The following SYTL4 variants were observed in gnomAD, a reference collection of about 807,000 sequenced individuals.
SYTL4 encodes the protein synaptotagmin like 4.
Under a neutral mutation model 52.7 loss-of-function variants are expected in SYTL4, and 16 were observed. The observed-to-expected ratio is 0.30, with a 90% CI of 0.21 to 0.46. The LOEUF is 0.46. Among genes scored for constraint, SYTL4 ranks in the 20% least tolerant of loss-of-function variants. The probability of loss-of-function intolerance (pLI) is 1.00; values close to 1 mark genes in which losing one functional copy is unlikely to be tolerated. For missense variants in SYTL4, 423 were observed against 519.9 expected, an observed-to-expected ratio of 0.81 and a Z score of 1.81; for synonymous variants, 160 against 186.6, an observed-to-expected ratio of 0.86 and a Z score of 1.16.
intron 2 of SYTL4, among the ~76,000 whole-genome samples, chrX:100,724,955 G>A (rs1330589545): frequency 3.7e-5 from 4 of 108,457 alleles, no homozygotes; most frequent in African/African-American, 1.3e-4. Flanking sequence ...TAAAAAAATT[G>A]CAAATCATAT....
rs769639083 is a variant in SYTL4, at chrX:100,687,241, G to T, written c.1010C>A (p.Thr337Lys). 3 of 1,208,915 alleles carry T rather than the reference G, an allele frequency of 2.5e-6. No individual in the cohort carries two copies. The highest frequency in any genetic ancestry group is 3.4e-6 in the Non-Finnish European group (3 of 893,824). Residue 337 changes from threonine to lysine, a missense_variant, in exon 14 of 20, where the codon ACG becomes AAG. Thr to Lys is a moderately conservative substitution (Grantham distance 78). Coordinates refer to ENST00000372989, the MANE Select transcript of SYTL4 (RefSeq NM_001370165.1). ...GTAGATGCTCATCATGCTGCCGATC[G>T]TACTCTGAAGATAAAGCACCCACGA... is the stretch of plus-strand genomic sequence containing the variant. Reference protein sequence around the residue: ...SSMQSGSSMSTIGSMMSIYSE... With the variant: ...SSMQSGSSMSKIGSMMSIYSE...
intron 7 of SYTL4, 74 bp downstream of exon 7, chrX:100,701,146 A>G (rs1370293271): frequency 1.1e-6 from 1 of 934,349 alleles, no homozygotes; most frequent in African/African-American, 1.9e-5. Flanking sequence ...GGCTGAGCCC[A>G]TGGAGTTAAG....
intron 2 of SYTL4, among the ~76,000 whole-genome samples, chrX:100,722,518 A>G (rs1352103921): frequency 9.0e-6 from 1 of 111,360 alleles, no homozygotes; most frequent in African/African-American, 3.3e-5. Flanking sequence ...CTATGAACCT[A>G]CTTTCATCTA....
intron 2 of SYTL4, among the ~76,000 whole-genome samples, chrX:100,705,661 A>G (rs1454281641): frequency 9.0e-6 from 1 of 111,649 alleles, no homozygotes; most frequent in Non-Finnish European, 1.9e-5. Flanking sequence ...GCTTGTGGAG[A>G]GGCAGCAGAA....
intron 2 of SYTL4, among the ~76,000 whole-genome samples, chrX:100,725,295 A>G (rs946479116): frequency 7.1e-5 from 8 of 112,148 alleles, no homozygotes; most frequent in Admixed American, 2.8e-4. Flanking sequence ...ACATGGAATG[A>G]GAGATCTATT....
At chrX:100,715,738 C>T (rs1472904479) in intron 2 of SYTL4, among the ~76,000 whole-genome samples, 13 of 108,591 alleles carry the variant, frequency 1.2e-4, no homozygotes, top group African/African-American at 4.4e-4. Flanking sequence ...CTGGACTACA[C>T]GGTGAAACCC....
chrX:100,720,460 G>T (rs2084318712), intron 2 of SYTL4, among the ~76,000 whole-genome samples: 1 of 112,221 alleles, frequency 8.9e-6, no homozygotes, highest in Admixed American at 9.4e-5. Flanking sequence ...TCTTTCCTTA[G>T]TCAACAAGCT....
At chrX:100,699,383 AAAAAG>A (rs1190331026) in intron 8 of SYTL4, among the ~76,000 whole-genome samples, 33 of 108,361 alleles carry the variant, frequency 3.0e-4, no homozygotes, top group African/African-American at 1.1e-3. Context: ...AAAAGAAAAG[AAAAAG>A]AAAAGAAAAG....
intron 16 of SYTL4, among the ~76,000 whole-genome samples, chrX:100,681,966 T>C (rs1340022930): frequency 8.9e-6 from 1 of 112,480 alleles, no homozygotes; most frequent in African/African-American, 3.2e-5. Context: ...ATCACTTATG[T>C]TAGCCCTTAC....
chrX:100,714,390 G>A (rs1289653623), intron 2 of SYTL4, among the ~76,000 whole-genome samples: 3 of 109,489 alleles, frequency 2.7e-5, no homozygotes, highest in African/African-American at 1.0e-4. Flanking sequence ...CTCCCGAGTA[G>A]CTGGGACTAC....
chrX:100,689,090 T>C (rs1317388210), intron 12 of SYTL4, among the ~76,000 whole-genome samples: 2 of 108,264 alleles, frequency 1.8e-5, no homozygotes, highest in Admixed American at 2.0e-4. Flanking sequence ...ATAAAAGAGA[T>C]GGTCAGGCGT....
chrX:100,691,171 C>T lies in SYTL4; in HGVS notation c.578G>A (p.Ser193Asn), dbSNP rs758402972. ...FEVPKLKSGK[S>N]ALEAESESLD... ...ACTCTCACTCTCAGCTTCCAATGCA[C>T]TCTTTCCACTTTTCAGCTTTGGCAC... Residue 193 changes from serine (S) to asparagine (N), a missense_variant, in exon 9 of 20, where the codon AGT becomes AAT. By Grantham distance (46) the Ser-to-Asn change is conservative (BLOSUM62 1). Coordinates refer to ENST00000372989, the MANE Select transcript of SYTL4 (RefSeq NM_001370165.1). 2 of 1,209,299 alleles carry T rather than the reference C, an allele frequency of 1.7e-6. No individual in the cohort carries two copies. The highest frequency in any genetic ancestry group is 1.7e-5 in the African/African-American group (1 of 57,762).
At chrX:100,679,021 G>A (rs927855088) in intron 18 of SYTL4, among the ~76,000 whole-genome samples, 1 of 111,766 alleles carries the variant, frequency 8.9e-6, no homozygotes, top group African/African-American at 3.2e-5. Flanking sequence ...ACAAAGCCCT[G>A]AGTTCCCAAA....
Position 100,691,114 on chromosome X carries a change from G to T in SYTL4, c.635C>A (p.Thr212Asn). The change falls in exon 9 of 20, where the codon ACC becomes AAC. Residue 212 changes from threonine (T) to asparagine (N), a missense_variant. Transcript: ENST00000372989. ...GAAATGGGGGGAACCCCACCTGGAG[G>T]TGCTATCCGAGTCAGCTGTGAAGCT... ...LDSFTADSDSTSRRDSLDKSG... is the reference protein window; with the variant it reads ...LDSFTADSDSNSRRDSLDKSG... 8.3e-7 allele frequency: 1 copy of T among 1,199,856 alleles called. No individual in the cohort carries two copies. Among genetic ancestry groups the T allele is most frequent in the Non-Finnish European group, 1.1e-6 (1 of 887,044 alleles).
chrX:100,727,406 A>G (rs1345375484), intron 2 of SYTL4, among the ~76,000 whole-genome samples: 2 of 112,655 alleles, frequency 1.8e-5, no homozygotes, highest in Admixed American at 1.9e-4. Flanking sequence ...TCAGTTAGAT[A>G]CTATTTTTCA....
Position 100,678,459 on chromosome X carries a change from G to A in SYTL4, c.1799C>T (p.Thr600Ile), listed in dbSNP as rs1322811578. 2 of 1,209,430 alleles carry A rather than the reference G, an allele frequency of 1.7e-6. No homozygotes were observed. Among genetic ancestry groups the A allele is most frequent in the Non-Finnish European group, 2.2e-6 (2 of 894,895 alleles). ...EDLQHMCLELTVWDREPLASN... is the reference protein window; with the variant it reads ...EDLQHMCLELIVWDREPLASN... ...GGCCAGGGGCTCCCGGTCCCACACAGTCAGTTCCAGGCACATATGCTGTAG... is the reference window on the plus strand; with the variant it reads ...GGCCAGGGGCTCCCGGTCCCACACAATCAGTTCCAGGCACATATGCTGTAG... The change falls in exon 19 of 20, where the codon ACT becomes ATT. Residue 600 changes from threonine (T) to isoleucine (I), a missense_variant. Thr to Ile is a moderately conservative substitution (Grantham distance 89). Coordinates refer to ENST00000372989, the MANE Select transcript of SYTL4 (RefSeq NM_001370165.1).
At chrX:100,693,357 GCT>G (rs1324533179) in intron 8 of SYTL4, among the ~76,000 whole-genome samples, 1 of 112,623 alleles carries the variant, frequency 8.9e-6, no homozygotes, top group East Asian at 2.8e-4. Context: ...ACTGCTCTTC[GCT>G]CTGTCTCATC....
At chrX:100,724,245 T>TG (rs772554006) in intron 2 of SYTL4, among the ~76,000 whole-genome samples, 140 of 86,963 alleles carry the variant, frequency 1.6e-3, no homozygotes, top group Non-Finnish European at 2.4e-3. Flanking sequence ...AGGAGGGAGG[T>TG]GGGGGGGGTC....
rs1349746175 is a variant in SYTL4 at position 100,700,883 on chromosome X, T to C, written c.539+14A>G. ...TATTGTAAGCATTTCTTTAAACAAT[T>C]ACTTGATTCTTACCTGGGCTCCTTC... On this transcript the variant is annotated intron_variant, in intron 8 of 19. Coordinates refer to ENST00000372989, the MANE Select transcript of SYTL4 (RefSeq NM_001370165.1). The C allele has an allele frequency of 1.7e-6, 2 of 1,152,279 alleles. No individual in the cohort carries two copies. The highest frequency in any genetic ancestry group is 5.9e-5 in the East Asian group (2 of 33,615). The allele number at this position is 1,152,279 out of a possible 1,213,427, so 95.0% of individuals were successfully genotyped here. A position where few individuals can be genotyped will look rare whatever the true frequency, so the allele number is the denominator to read the frequency against.
Sources: gnomAD v4.1 joint callset for allele counts (sites outside exome capture counted in the v4.1 genomes callset) on GRCh38, gnomAD v4.1.1 for gene constraint, MANE v1.5 for transcripts, NCBI Gene and HGNC (gene_info 2026-07-23, HGNC 2026-07-21) for gene names.